Variants in ADAMTSL2 observed in about 807,000 individuals in gnomAD.
The protein encoded by ADAMTSL2 is ADAMTS like 2, also known as ADAMTS-like protein 2.
In ADAMTSL2, 55 loss-of-function variants were observed where a neutral mutation model predicts 117.0. That is an observed-to-expected ratio of 0.47 (90% confidence interval 0.38 to 0.59). The LOEUF is 0.59. ADAMTSL2 is among the 20% of genes least tolerant of loss of function. The pLI, the probability that ADAMTSL2 is intolerant of heterozygous loss-of-function variation, is 0.00. For synonymous variants in ADAMTSL2, 572 were observed against 566.4 expected (o/e 1.01, Z -0.14); for missense variants, 1,182 against 1,354.5 (o/e 0.87, Z 2.00).
At chr9:133,547,256 A>G in intron 9 of ADAMTSL2, 43 bp downstream of exon 9, 1 of 1,590,150 alleles carries the variant, frequency 6.3e-7, no homozygotes, top group Non-Finnish European at 8.6e-7. Context: ...GGCCCTGGGC[A>G]CTGTTTCCCC....
chr9:133,539,959 G>A (rs1031830788), intron 5 of ADAMTSL2, 86 bp downstream of exon 5: 26 of 1,258,482 alleles, frequency 2.1e-5, no homozygotes, highest in African/African-American at 5.9e-5. Flanking sequence ...CAAACTCGAC[G>A]GGTGGGCAGG....
intron 17 of ADAMTSL2, among the ~76,000 whole-genome samples, chr9:133,571,805 A>G (rs1831112482): frequency 6.6e-6 from 1 of 152,148 alleles, no homozygotes; most frequent in African/African-American, 2.4e-5. Flanking sequence ...AGGTGCTTCC[A>G]TAGCCAGGCT....
intron 12 of ADAMTSL2, 130 bp downstream of exon 12, chr9:133,561,425 C>CAGGAGGCCA: frequency 1.2e-6 from 1 of 817,126 alleles, no homozygotes; most frequent in Non-Finnish European, 2.0e-6. Context: ...TCCGTGGCCT[C>CAGGAGGCCA]CTGACTTGGG....
At chr9:133,537,684 C>G in intron 3 of ADAMTSL2, 137 bp downstream of exon 3, 1 of 1,017,566 alleles carries the variant, frequency 9.8e-7, no homozygotes, top group Non-Finnish European at 1.3e-6. Flanking sequence ...AGGCTGAGTC[C>G]CCCCATCAGC....
Position 133,555,650 on chromosome 9 carries a change from G to A in ADAMTSL2, c.1369G>A (p.Ala457Thr), listed in dbSNP as rs1315052963. ...CTCCCAGGAGTTCTTCTCGGCTAAC[G>A]CCATCTCTGACCAGCTGCTGGGCGC... ...FASQEFFSANAISDQLLGAGS... is the reference protein window; with the variant it reads ...FASQEFFSANTISDQLLGAGS... The change falls in exon 11 of 19, where the codon GCC becomes ACC. Residue 457 changes from alanine (A) to threonine (T), a missense_variant. Physicochemically the swap from Ala to Thr is moderately conservative, Grantham distance 58 (BLOSUM62 0). Coordinates refer to ENST00000651351, the MANE Select transcript of ADAMTSL2 (RefSeq NM_014694.4). 8.1e-6 allele frequency: 13 copies of A among 1,613,586 alleles called. No homozygotes were observed. The highest frequency in any genetic ancestry group is 2.2e-5 in the East Asian group (1 of 44,896).
Position 133,536,544 on chromosome 9 carries a change from G to T in ADAMTSL2, c.-150-19G>T. ...TTGCTAAGCCTAGACTGAGGCGGGGGGTTCATCCTTCCCAACAGGGTCTGC... is the reference window on the plus strand; with the variant it reads ...TTGCTAAGCCTAGACTGAGGCGGGGTGTTCATCCTTCCCAACAGGGTCTGC... On this transcript the variant is annotated intron_variant, in intron 1 of 18. Coordinates refer to ENST00000651351, the MANE Select transcript of ADAMTSL2 (RefSeq NM_014694.4). 6.5e-7 allele frequency: 1 copy of T among 1,546,006 alleles called. No individual in the cohort carries two copies. The highest frequency in any genetic ancestry group is 8.8e-7 in the Non-Finnish European group (1 of 1,141,836).
chr9:133,552,075 G>T lies in ADAMTSL2; in HGVS notation c.940-2282G>T, dbSNP rs558132638. On this transcript the variant is annotated intron_variant, in intron 9 of 18. Coordinates refer to ENST00000651351, the MANE Select transcript of ADAMTSL2 (RefSeq NM_014694.4). ...AAACTACTGACCTCATGATTTGCCC[G>T]CCTCGGCCTCCCAAAGTGCTGGGAT... Among the ~76,000 whole-genome samples the T allele has an allele frequency of 1.1e-3, 160 of 152,174 alleles. No individual in the cohort carries two copies. In the Middle Eastern group the frequency reaches 0.014, roughly 13 times the overall value.
intron 12 of ADAMTSL2, among the ~76,000 whole-genome samples, chr9:133,563,521 G>A (rs1339361783): frequency 6.6e-6 from 1 of 152,180 alleles, no homozygotes; most frequent in Non-Finnish European, 1.5e-5. Flanking sequence ...GAGAGGGGAC[G>A]TCGCTCGAGA....
upstream of ADAMTSL2, chr9:133,534,386 C>A (rs547301966): frequency 1.8e-5 from 4 of 218,938 alleles, no homozygotes; most frequent in East Asian, 9.8e-5. Context: ...AGAAGCCGGA[C>A]AGGCGGGGCT....
At chr9:133,545,864 G>A (rs1830335614) in intron 8 of ADAMTSL2, among the ~76,000 whole-genome samples, 1 of 152,126 alleles carries the variant, frequency 6.6e-6, no homozygotes, top group South Asian at 2.1e-4. Context: ...CCAGGCCCCA[G>A]CACACTCCCC....
At chr9:133,534,458 C>T, upstream of ADAMTSL2, 3 of 345,334 alleles carry the variant, frequency 8.7e-6, no homozygotes, top group East Asian at 9.1e-5. Flanking sequence ...CGTCTGGACA[C>T]CCGACATGTG....
At chr9:133,566,859 C>A in intron 12 of ADAMTSL2, 77 bp from the exon 13 acceptor site, 1 of 1,548,404 alleles carries the variant, frequency 6.5e-7, no homozygotes, top group Non-Finnish European at 8.7e-7. Context: ...AGGTGACTTG[C>A]CCCAAGTCCT....
chr9:133,572,135 G>A (rs1259785668), intron 17 of ADAMTSL2, among the ~76,000 whole-genome samples: 2 of 152,052 alleles, frequency 1.3e-5, no homozygotes, highest in African/African-American at 2.4e-5. Flanking sequence ...CAGGCTCCTC[G>A]TGCACGCTTG....
At chr9:133,561,454 GAGT>G (rs1830726489) in intron 12 of ADAMTSL2, among the ~76,000 whole-genome samples, 159 bp downstream of exon 12, 1 of 152,218 alleles carries the variant, frequency 6.6e-6, no homozygotes, top group African/African-American at 2.4e-5. Context: ...GGCGTGATAG[GAGT>G]TTGGGTGTCT....
intron 5 of ADAMTSL2, 101 bp downstream of exon 5, chr9:133,539,974 G>A (rs957514946): frequency 1.8e-6 from 2 of 1,115,388 alleles, no homozygotes; most frequent in African/African-American, 1.5e-5. Flanking sequence ...GGCAGGTGGG[G>A]AAATGGAGGT....
Position 133,540,976 on chromosome 9 carries a change from C to T in ADAMTSL2, c.657C>T (p.Asn219=). 6.2e-7 allele frequency: 1 copy of T among 1,613,496 alleles called. No individual in the cohort carries two copies. The highest frequency in any genetic ancestry group is 8.5e-7 in the Non-Finnish European group (1 of 1,180,030). The change falls in exon 7 of 19, where the codon AAC becomes AAT. Residue 219 remains asparagine (N), a synonymous_variant. Transcript: ENST00000651351. ...DGSSCTHVTG[N]YRKGNAHLGY... ...GCAGCTGCACCCACGTGACGGGCAA[C>T]TATCGCAAGGGGAATGCCCACCTTG...
At position 133,567,748 on chromosome 9, in the gene ADAMTSL2, G is replaced by A. The variant is rs370856933; in HGVS notation, c.1875-525G>A. ...CCCAGAATGCTGCTAAGGCTGGCCC[G>A]GGGGTGGGGTCCAGCAGGCCCTGTC... On this transcript the variant is annotated intron_variant, in intron 13 of 18. Coordinates refer to ENST00000651351, the MANE Select transcript of ADAMTSL2 (RefSeq NM_014694.4). 3.3e-5 allele frequency among the ~76,000 whole-genome samples: 5 copies of A among 152,332 alleles called. No individual in the cohort carries two copies. In the East Asian group the frequency reaches 7.7e-4, roughly 24 times the overall value.
At position 133,539,804 on chromosome 9, in the gene ADAMTSL2, G is replaced by A; in HGVS notation, c.343G>A (p.Glu115Lys). ...GCCGGACGGGAGGAGCTTCCGCGAG[G>A]AGCAGTGCGTCTCCTTCAACTCCCA... ...CPPDGRSFREEQCVSFNSHVY... is the reference protein window; with the variant it reads ...CPPDGRSFREKQCVSFNSHVY... Residue 115 changes from glutamate (E) to lysine (K), a missense_variant, in exon 5 of 19, where the codon GAG becomes AAG. Physicochemically the swap from Glu to Lys is moderately conservative, Grantham distance 56. This residue lies in a region of ADAMTSL2 where 372 missense variants were observed against 463.4 expected (regional missense o/e 0.80). Coordinates refer to ENST00000651351, the MANE Select transcript of ADAMTSL2 (RefSeq NM_014694.4). The A allele has an allele frequency of 6.5e-7, 1 of 1,548,746 alleles. No individual in the cohort carries two copies. The highest frequency in any genetic ancestry group is 8.7e-7 in the Non-Finnish European group (1 of 1,146,330).
intron 18 of ADAMTSL2, 137 bp downstream of exon 18, chr9:133,574,124 A>G (rs1000823055): frequency 2.5e-5 from 30 of 1,206,748 alleles, no homozygotes; most frequent in Non-Finnish European, 3.4e-5. Flanking sequence ...CAAGCTGTGC[A>G]GGGAGTGGGG....
Sources: allele counts gnomAD v4.1 joint callset (sites outside exome capture counted in the v4.1 genomes callset), GRCh38; gene constraint gnomAD v4.1.1; regional missense constraint gnomAD v4.1.1; transcripts MANE v1.5; gene names NCBI Gene and HGNC (gene_info 2026-07-23, HGNC 2026-07-21).